Variants in DNM3 observed in about 807,000 individuals in gnomAD.
The protein encoded by DNM3 is dynamin 3.
Under a neutral mutation model 101.6 loss-of-function variants are expected in DNM3, and 47 were observed. The ratio of observed to expected loss-of-function variants is 0.46; its 90% CI spans 0.37 to 0.59. The LOEUF (loss-of-function observed/expected upper bound fraction) is 0.59, where lower values mean the gene tolerates loss of function less well. DNM3 is among the 20% of genes least tolerant of loss of function. DNM3 has a pLI of 0.00. For synonymous variants in DNM3, 385 were observed against 387.9 expected, an observed-to-expected ratio of 0.99 and a Z score of 0.09; for missense variants, 849 against 1,085.7, an observed-to-expected ratio of 0.78 and a Z score of 3.06.
chr1:171,988,695 A>C (rs1056162229), intron 3 of DNM3, among the ~76,000 whole-genome samples: 1 of 152,204 alleles, frequency 6.6e-6, no homozygotes, highest in African/African-American at 2.4e-5. Context: ...CTTTCTGAGC[A>C]AACTGTTAGG....
chr1:172,414,665 A>C (rs753660528), downstream of DNM3, among the ~76,000 whole-genome samples: 5 of 152,008 alleles, frequency 3.3e-5, no homozygotes, highest in Non-Finnish European at 7.4e-5. Context: ...ATAAAATCAA[A>C]TGTACTACTC....
chr1:171,879,656 C>G (rs1449383530), intron 1 of DNM3, among the ~76,000 whole-genome samples: 1 of 152,174 alleles, frequency 6.6e-6, no homozygotes, highest in African/African-American at 2.4e-5. Flanking sequence ...CAGTGGACTG[C>G]GTGCCAGGGG....
chr1:171,997,319 A>G (rs2046064668), intron 4 of DNM3, among the ~76,000 whole-genome samples: 2 of 152,158 alleles, frequency 1.3e-5, no homozygotes, highest in African/African-American at 4.8e-5. Context: ...ATAATTTCAG[A>G]TTCATCTGCA....
chr1:172,196,981 C>G (rs886876501), intron 14 of DNM3, among the ~76,000 whole-genome samples: 1 of 152,056 alleles, frequency 6.6e-6, no homozygotes, highest in Non-Finnish European at 1.5e-5. Context: ...AAATCTTTGC[C>G]TTTTCCTATG....
chr1:171,983,481 G>A (rs575375567), intron 2 of DNM3, among the ~76,000 whole-genome samples: 1 of 151,846 alleles, frequency 6.6e-6, no homozygotes, highest in Non-Finnish European at 1.5e-5. Flanking sequence ...CATGTTGGCA[G>A]GGTTTGATGG....
chr1:172,144,955 A>G (rs901866613), intron 14 of DNM3, among the ~76,000 whole-genome samples: 1 of 152,194 alleles, frequency 6.6e-6, no homozygotes, highest in Non-Finnish European at 1.5e-5. Context: ...GGGTCTGTGC[A>G]TAAAATGGTA....
At chr1:172,323,515 C>T (rs963449674) in intron 17 of DNM3, among the ~76,000 whole-genome samples, 175 bp downstream of exon 17, 1 of 152,096 alleles carries the variant, frequency 6.6e-6, no homozygotes, top group Non-Finnish European at 1.5e-5. Flanking sequence ...ACCATAATGG[C>T]TGTTCCGTTT....
In DNM3 at chr1:172,322,766, C is replaced by T. The variant is rs145018370; in HGVS notation, c.1882-563C>T. On this transcript the variant is annotated intron_variant, in intron 16 of 20. Transcript: ENST00000627582. ...GTCCAGATGGAGGTCGTAACTTGGT[C>T]TGCTTACCCTGTCTCCCTAGAACCA... Among the ~76,000 whole-genome samples, 411 of 152,152 alleles carry T rather than the reference C, an allele frequency of 2.7e-3. 1 individual carries two copies. Among genetic ancestry groups the T allele is most frequent in the African/African-American group, 9.3e-3 (385 of 41,526 alleles).
intron 15 of DNM3, among the ~76,000 whole-genome samples, chr1:172,255,216 T>A (rs2062349108): frequency 6.6e-6 from 1 of 152,098 alleles, no homozygotes. Flanking sequence ...ACAGTATTAT[T>A]TGAGAGCAGC....
intron 2 of DNM3, among the ~76,000 whole-genome samples, chr1:171,930,989 G>A (rs1358888888): frequency 1.4e-4 from 21 of 152,164 alleles, no homozygotes; most frequent in Admixed American, 1.4e-3. Context: ...CACACCTGTT[G>A]TCCTGGCGCA....
At position 172,068,879 on chromosome 1, in the gene DNM3, G is replaced by A; in HGVS notation, c.1396G>A (p.Glu466Lys). Residue 466 changes from glutamate to lysine, a missense_variant, in exon 11 of 21, where the codon GAG (glutamate) becomes AAG (lysine). This residue lies in a region of DNM3 where 193 missense variants were observed against 238.4 expected (regional missense o/e 0.81). Transcript: ENST00000627582. ...AAGGATTGTTGCTAACCACATTCGTGAGCGAGAAGGGAAGACAAAGGACCA... is the reference window on the plus strand; with the variant it reads ...AAGGATTGTTGCTAACCACATTCGTAAGCGAGAAGGGAAGACAAAGGACCA... Reference protein sequence around the residue: ...TERIVANHIREREGKTKDQVL... With the variant: ...TERIVANHIRKREGKTKDQVL... 6 of 1,568,522 alleles carry A rather than the reference G, an allele frequency of 3.8e-6. No individual in the cohort carries two copies. Among genetic ancestry groups the A allele is most frequent in the Non-Finnish European group, 5.2e-6 (6 of 1,156,010 alleles).
chr1:172,213,155 A>G (rs1049086819), intron 14 of DNM3, among the ~76,000 whole-genome samples: 2 of 152,128 alleles, frequency 1.3e-5, no homozygotes, highest in African/African-American at 4.8e-5. Flanking sequence ...AGCAGCAGTA[A>G]TAAGTCCAGC....
At chr1:172,107,472 T>G (rs1471690326) in intron 13 of DNM3, among the ~76,000 whole-genome samples, 2 of 152,208 alleles carry the variant, frequency 1.3e-5, no homozygotes, top group Non-Finnish European at 2.9e-5. Context: ...CTGAGACTGC[T>G]GCACAGGGAT....
intron 13 of DNM3, among the ~76,000 whole-genome samples, chr1:172,111,890 C>T (rs1224969667): frequency 6.6e-6 from 1 of 151,754 alleles, no homozygotes; most frequent in Non-Finnish European, 1.5e-5. Context: ...ACTTCATTGA[C>T]TACAAAGGTG....
intron 3 of DNM3, 110 bp from the exon 4 acceptor site, chr1:171,988,835 A>T: frequency 1.1e-6 from 1 of 888,342 alleles, no homozygotes; most frequent in Non-Finnish European, 1.7e-6. Context: ...CATGGGTTGG[A>T]GTTGTTCAGA....
chr1:171,901,133 A>AAAAAAC (rs2038307020), intron 1 of DNM3, among the ~76,000 whole-genome samples: 1 of 107,664 alleles, frequency 9.3e-6, no homozygotes, highest in Non-Finnish European at 2.0e-5. Flanking sequence ...AAAAAAAAAG[A>AAAAAAC]AAGAAATCTA....
intron 2 of DNM3, among the ~76,000 whole-genome samples, chr1:171,983,273 A>G (rs570292576): frequency 8.6e-5 from 13 of 152,016 alleles, no homozygotes; most frequent in Admixed American, 7.9e-4. Flanking sequence ...CAGGCAACAC[A>G]GTGAGACCTC....
intron 14 of DNM3, among the ~76,000 whole-genome samples, chr1:172,241,268 C>A (rs140411486): frequency 2.8e-5 from 2 of 72,670 alleles, no homozygotes; most frequent in Non-Finnish European, 6.1e-5. Context: ...TGTGTGTGCA[C>A]GTGTGTATTT....
intron 17 of DNM3, among the ~76,000 whole-genome samples, chr1:172,374,943 T>G (rs2068525368): frequency 6.6e-6 from 1 of 152,098 alleles, no homozygotes; most frequent in African/African-American, 2.4e-5. Context: ...GATTCTAAAC[T>G]GAATGAGCTT....
Sources: allele counts gnomAD v4.1 joint callset (sites outside exome capture counted in the v4.1 genomes callset), GRCh38; gene constraint gnomAD v4.1.1; regional missense constraint gnomAD v4.1.1; transcripts MANE v1.5; gene names NCBI Gene and HGNC (gene_info 2026-07-23, HGNC 2026-07-21).